SHROOM2: variants seen among roughly 807,000 people sequenced by gnomAD.
The protein encoded by SHROOM2 is shroom family member 2.
A neutral mutation model predicts 75.9 loss-of-function variants in SHROOM2; 33 were observed. The ratio of observed to expected loss-of-function variants is 0.43; its 90% CI spans 0.33 to 0.58. SHROOM2 has a LOEUF of 0.58. SHROOM2 is among the 20% of genes least tolerant of loss of function. SHROOM2 has a pLI of 0.04. For missense variants in SHROOM2, 1,434 were observed against 1,461.2 expected (o/e 0.98, Z 0.30); for synonymous variants, 655 against 663.6 (o/e 0.99, Z 0.20).
At chrX:9,791,098 G>A (rs1359365441) in intron 1 of SHROOM2, among the ~76,000 whole-genome samples, 2 of 109,841 alleles carry the variant, frequency 1.8e-5, no homozygotes, top group African/African-American at 6.6e-5. Flanking sequence ...TCATGGCTCA[G>A]TTATGAGTAT....
At chrX:9,933,592 C>T (rs991577278) in intron 6 of SHROOM2, among the ~76,000 whole-genome samples, 4 of 109,134 alleles carry the variant, frequency 3.7e-5, no homozygotes, top group African/African-American at 6.6e-5. Flanking sequence ...GGCAACATGG[C>T]AAAACCTTGT....
At chrX:9,835,402 C>CAT (rs2083938546) in intron 1 of SHROOM2, among the ~76,000 whole-genome samples, 1 of 112,477 alleles carries the variant, frequency 8.9e-6, no homozygotes. Context: ...GCAGCAGCAG[C>CAT]GTCATCCCCT....
intron 1 of SHROOM2, among the ~76,000 whole-genome samples, chrX:9,831,460 A>G: frequency 9.0e-6 from 1 of 111,272 alleles, no homozygotes; most frequent in Non-Finnish European, 1.9e-5. Context: ...GGAGTTCAAG[A>G]CCAGCCTGAC....
intron 1 of SHROOM2, among the ~76,000 whole-genome samples, chrX:9,804,232 A>G (rs2083739837): frequency 9.1e-6 from 1 of 109,479 alleles, no homozygotes; most frequent in South Asian, 3.9e-4. Context: ...GTGACTTAAC[A>G]CTCCTTCCCA....
At chrX:9,809,652 T>A (rs1441305053) in intron 1 of SHROOM2, among the ~76,000 whole-genome samples, 1 of 112,517 alleles carries the variant, frequency 8.9e-6, no homozygotes, top group African/African-American at 3.2e-5. Context: ...CTGATAATAC[T>A]TAAATGCTGA....
chrX:9,835,782 G>C (rs1183340813), intron 1 of SHROOM2, among the ~76,000 whole-genome samples: 1 of 107,855 alleles, frequency 9.3e-6, no homozygotes, highest in East Asian at 2.9e-4. Context: ...TGCCCAGGCT[G>C]GATGGAGTCC....
At chrX:9,913,782 A>G (rs1228664048) in intron 5 of SHROOM2, among the ~76,000 whole-genome samples, 3 of 112,271 alleles carry the variant, frequency 2.7e-5, no homozygotes, top group Non-Finnish European at 5.6e-5. Flanking sequence ...ACTGCCTCGT[A>G]GATGGTCTTA....
At chrX:9,943,130 G>T (rs183883863) in intron 8 of SHROOM2, among the ~76,000 whole-genome samples, 110 of 110,093 alleles carry the variant, frequency 1.0e-3, no homozygotes, top group African/African-American at 3.4e-3. Context: ...GGAGGCTGAG[G>T]TGGGAGGATT....
At chrX:9,807,316 C>A (rs2083759630) in intron 1 of SHROOM2, among the ~76,000 whole-genome samples, 5 of 112,261 alleles carry the variant, frequency 4.5e-5, no homozygotes, top group Admixed American at 2.8e-4. Flanking sequence ...CAAGCCTGGT[C>A]ATTCTGCTGC....
At chrX:9,933,949 C>T (rs1007084941) in intron 6 of SHROOM2, among the ~76,000 whole-genome samples, 1 of 111,724 alleles carries the variant, frequency 9.0e-6, no homozygotes, top group Non-Finnish European at 1.9e-5. Context: ...TAGGCAATGT[C>T]TGGAGACAGT....
intron 7 of SHROOM2, among the ~76,000 whole-genome samples, chrX:9,938,457 G>A: frequency 9.0e-6 from 1 of 111,358 alleles, no homozygotes; most frequent in Non-Finnish European, 1.9e-5. Context: ...AGAGGCTGAG[G>A]TGGGAGGATC....
intron 1 of SHROOM2, among the ~76,000 whole-genome samples, chrX:9,821,564 C>T (rs2083853316): frequency 9.0e-6 from 1 of 111,657 alleles, no homozygotes; most frequent in African/African-American, 3.3e-5. Flanking sequence ...TGTTTTGAAA[C>T]CCAGGAATTT....
chrX:9,936,469 G>C (rs1457062478), intron 6 of SHROOM2, among the ~76,000 whole-genome samples: 1 of 111,917 alleles, frequency 8.9e-6, no homozygotes, highest in Non-Finnish European at 1.9e-5. Flanking sequence ...CAGAACCGAT[G>C]ACTCGCTGCT....
At chrX:9,910,643 C>T (rs1477019261) in intron 5 of SHROOM2, among the ~76,000 whole-genome samples, 1 of 109,224 alleles carries the variant, frequency 9.2e-6, no homozygotes, top group East Asian at 2.9e-4. Flanking sequence ...ATGGTGAAAC[C>T]CCGTCTCTAA....
intron 1 of SHROOM2, among the ~76,000 whole-genome samples, chrX:9,840,871 A>G (rs768079725): frequency 8.9e-6 from 1 of 112,638 alleles, no homozygotes; most frequent in South Asian, 3.6e-4. Context: ...TTTATTTTTA[A>G]GAAAGCAGAT....
At chrX:9,915,572 G>A (rs377347195) in intron 5 of SHROOM2, among the ~76,000 whole-genome samples, 5 of 111,328 alleles carry the variant, frequency 4.5e-5, no homozygotes, top group South Asian at 3.8e-4. Context: ...AAATTATTCC[G>A]TTAAAAAAAT....
chrX:9,816,759 C>T (rs1306145712), intron 1 of SHROOM2, among the ~76,000 whole-genome samples: 4 of 110,705 alleles, frequency 3.6e-5, no homozygotes, highest in Non-Finnish European at 7.5e-5. Context: ...ATGAGCTGCT[C>T]TCTTGTCATT....
At chrX:9,929,925 T>A (rs1480800647) in intron 5 of SHROOM2, among the ~76,000 whole-genome samples, 2 of 111,168 alleles carry the variant, frequency 1.8e-5, no homozygotes, top group Non-Finnish European at 3.8e-5. Flanking sequence ...GGGTTTCCGC[T>A]TTTGCTTCCT....
intron 2 of SHROOM2, among the ~76,000 whole-genome samples, chrX:9,886,156 A>G (rs1263551873): frequency 1.8e-5 from 2 of 111,278 alleles, no homozygotes; most frequent in Admixed American, 1.9e-4. Flanking sequence ...GGTGAGATGC[A>G]TTTTCTGAAG....
Sources: allele counts gnomAD v4.1 joint callset (sites outside exome capture counted in the v4.1 genomes callset), GRCh38; gene constraint gnomAD v4.1.1; transcripts MANE v1.5; gene names NCBI Gene and HGNC (gene_info 2026-07-23, HGNC 2026-07-21).